PRMT1: variants seen among roughly 807,000 people sequenced by gnomAD.
PRMT1 encodes protein arginine N-methyltransferase 1.
Under a neutral mutation model 47.4 loss-of-function variants are expected in PRMT1, and 5 were observed. The ratio of observed to expected loss-of-function variants is 0.11; its 90% CI spans 0.06 to 0.22. The LOEUF is 0.22. PRMT1 is among the 10% of genes least tolerant of loss of function. PRMT1 has a pLI of 1.00. For synonymous variants in PRMT1, 227 were observed against 204.6 expected, an observed-to-expected ratio of 1.11 and a Z score of -0.94; for missense variants, 249 against 518.4, an observed-to-expected ratio of 0.48 and a Z score of 5.05.
Position 49,685,213 on chromosome 19 carries a change from T to C in PRMT1, c.759+176T>C. The C allele has an allele frequency of 2.6e-6, 4 of 1,527,744 alleles. No homozygotes were observed. The highest frequency in any genetic ancestry group is 3.5e-6 in the Non-Finnish European group (4 of 1,141,908). The allele number at this position is 1,527,744 out of a possible 1,614,324, so 94.6% of individuals were successfully genotyped here. On this transcript the variant is annotated intron_variant, in intron 8 of 10. Transcript: ENST00000454376. This position sits in a 1 kb window ranked among gnomAD's most constrained non-coding sequence, Gnocchi z 4.7. Reference sequence around the variant, plus strand: ...AAGACACTTCGTCCTTTAAATATCTTTGTGAGCGCTGCTGTGTGAGAACCA... The same window carrying C: ...AAGACACTTCGTCCTTTAAATATCTCTGTGAGCGCTGCTGTGTGAGAACCA...
In PRMT1 at chr19:49,680,009, C is replaced by G; in HGVS notation, c.90+84C>G. 7.2e-7 allele frequency: 1 copy of G among 1,380,882 alleles called. No homozygotes were observed. The highest frequency in any genetic ancestry group is 1.4e-5 in the African/African-American group (1 of 69,706). The allele number at this position is 1,380,882 out of a possible 1,614,324, so 85.5% of individuals were successfully genotyped here. On this transcript the variant is annotated intron_variant, in intron 2 of 10. Transcript: ENST00000454376. The surrounding 1 kb of genome is among the most constrained non-coding windows in gnomAD (Gnocchi z 4.2). ...CACACATCTGGCCCTTTCTTGAGGTCTAACCATACCCCTCTTGCTTCAAAC... is the reference window on the plus strand; with the variant it reads ...CACACATCTGGCCCTTTCTTGAGGTGTAACCATACCCCTCTTGCTTCAAAC...
In PRMT1 at chr19:49,680,351, G is replaced by A. The variant is rs920021030; in HGVS notation, c.91-136G>A. 7.8e-6 allele frequency: 8 copies of A among 1,030,670 alleles called. No individual in the cohort carries two copies. In the African/African-American group the frequency reaches 1.3e-4, roughly 16 times the overall value. The allele number at this position is 1,030,670 out of a possible 1,614,324, so 63.8% of individuals were successfully genotyped here. ...GGTTCCTGGGGGGGCAAGATGGCAG[G>A]CGGGGGCTGTAGGGTTGTCATGGTA... On this transcript the variant is annotated intron_variant, in intron 2 of 10. Transcript: ENST00000454376. This position sits in a 1 kb window ranked among gnomAD's most constrained non-coding sequence, Gnocchi z 4.2.
At chr19:49,686,071 C>G in intron 8 of PRMT1, 22 bp from the exon 9 acceptor site, 3 of 1,606,254 alleles carry the variant, frequency 1.9e-6, no homozygotes, top group Non-Finnish European at 2.6e-6. Flanking sequence ...CATCCCGGAG[C>G]TCGCCCTCTC....
chr19:49,686,049 G>C, intron 8 of PRMT1, 44 bp from the exon 9 acceptor site: 1 of 1,587,802 alleles, frequency 6.3e-7, no homozygotes, highest in African/African-American at 1.3e-5. Flanking sequence ...GGGATGAAGC[G>C]AGGTGGGGAC....
At position 49,677,306 on chromosome 19, in the gene PRMT1, G is replaced by C. The variant is rs1376247430; in HGVS notation, c.26G>C (p.Cys9Ser). MAAAEAAN[C>S]IMENFVATLA... ...ATGGCGGCAGCCGAGGCCGCGAACT[G>C]CATCATGGAGGTGAGCGCTTGGAGC... The change falls in exon 1 of 11, where the codon TGC becomes TCC. Residue 9 changes from cysteine (C) to serine (S), a missense_variant. Physicochemically the swap from Cys to Ser is moderately radical, Grantham distance 112 (BLOSUM62 -1). Around this residue, in one of 2 missense-constraint regions of PRMT1, gnomAD observed 59 missense variants for 61.7 expected, o/e 0.96. Coordinates refer to ENST00000454376, the MANE Select transcript of PRMT1 (RefSeq NM_001536.6). 1 of 1,405,464 alleles carries C rather than the reference G, an allele frequency of 7.1e-7. No individual in the cohort carries two copies. Among genetic ancestry groups the C allele is most frequent in the Non-Finnish European group, 9.3e-7 (1 of 1,075,618 alleles). 87.1% of individuals were successfully genotyped at this position (1,405,464 alleles called of 1,614,324 possible).
chr19:49,677,244 G>GA (rs771122084), upstream of PRMT1: 25 of 1,416,538 alleles, frequency 1.8e-5, no homozygotes, highest in Non-Finnish European at 2.8e-6. Flanking sequence ...GAAAGGGGGG[G>GA]TCTTGGCGGC....
chr19:49,677,941 C>G (rs954645591), intron 1 of PRMT1, among the ~76,000 whole-genome samples: 1 of 152,152 alleles, frequency 6.6e-6, no homozygotes, highest in African/African-American at 2.4e-5. Context: ...CCCCGCCGAC[C>G]CCGTTTCCCC....
At position 49,681,364 on chromosome 19, in the gene PRMT1, G is replaced by A. The variant is rs951017345; in HGVS notation, c.193-546G>A. 4.6e-5 allele frequency among the ~76,000 whole-genome samples: 7 copies of A among 151,618 alleles called. No individual in the cohort carries two copies. The highest frequency in any genetic ancestry group is 4.6e-4 in the Admixed American group (7 of 15,204). ...GCTCCCAGCCTGAGGACTTTTAAAA[G>A]CCAGGGTTCACTGGTTCTTAGGTAG... On this transcript the variant is annotated intron_variant, in intron 3 of 10. Coordinates refer to ENST00000454376, the MANE Select transcript of PRMT1 (RefSeq NM_001536.6). This position sits in a 1 kb window ranked among gnomAD's most constrained non-coding sequence, Gnocchi z 4.4.
chr19:49,679,830 A>G, intron 1 of PRMT1, 42 bp from the exon 2 acceptor site: 1 of 1,506,430 alleles, frequency 6.6e-7, no homozygotes, highest in South Asian at 1.1e-5. Flanking sequence ...TCCCACAGCC[A>G]CTCCCAGTAG....
chr19:49,677,818 GCTTCTCAGCC>G (rs1389323138), intron 1 of PRMT1, among the ~76,000 whole-genome samples: 1 of 152,114 alleles, frequency 6.6e-6, no homozygotes, highest in Non-Finnish European at 1.5e-5. Context: ...GAGGAGCAGT[GCTTCTCAGCC>G]CTTTACCAAC....
At chr19:49,682,174 T>A (rs1030375697) in intron 4 of PRMT1, 22 bp from the exon 5 acceptor site, 2 of 1,613,960 alleles carry the variant, frequency 1.2e-6, no homozygotes, top group Non-Finnish European at 1.7e-6. Flanking sequence ...GGTCTCACCC[T>A]CCCTTCTTCC....
rs1455063545 is a variant in PRMT1 at position 49,684,144 on chromosome 19, T to C, written c.555+75T>C. The C allele has an allele frequency of 1.1e-5, 18 of 1,581,622 alleles. No homozygotes were observed. Among genetic ancestry groups the C allele is most frequent in the Non-Finnish European group, 1.6e-5 (18 of 1,157,668 alleles). On this transcript the variant is annotated intron_variant, in intron 6 of 10. Transcript: ENST00000454376. The surrounding 1 kb of genome is among the most constrained non-coding windows in gnomAD (Gnocchi z 6.2). Reference sequence around the variant, plus strand: ...AGAAGACGAAAACCACGCTCAATTTTTCCCACAGACGGGACTTACTGTGGG... The same window carrying C: ...AGAAGACGAAAACCACGCTCAATTTCTCCCACAGACGGGACTTACTGTGGG...
chr19:49,678,832 G>A (rs983361961), intron 1 of PRMT1, among the ~76,000 whole-genome samples: 2 of 151,942 alleles, frequency 1.3e-5, no homozygotes, highest in Non-Finnish European at 2.9e-5. Flanking sequence ...AAGTCTTCAG[G>A]GCCTGGGATG....
At position 49,677,298 on chromosome 19, in the gene PRMT1, C is replaced by T; in HGVS notation, c.18C>T (p.Ala6=). Residue 6 remains alanine (A), a synonymous_variant, in exon 1 of 11, where the codon GCC becomes GCT. Coordinates refer to ENST00000454376, the MANE Select transcript of PRMT1 (RefSeq NM_001536.6). The part of the protein sequence containing the change: MAAAE[A]ANCIMENFVA... ...GGGTGAAGATGGCGGCAGCCGAGGC[C>T]GCGAACTGCATCATGGAGGTGAGCG... 7.1e-7 allele frequency: 1 copy of T among 1,410,314 alleles called. No individual in the cohort carries two copies. Among genetic ancestry groups the T allele is most frequent in the Non-Finnish European group, 9.3e-7 (1 of 1,079,010 alleles). 87.4% of individuals were successfully genotyped at this position (1,410,314 alleles called of 1,614,324 possible).
Position 49,683,470 on chromosome 19 carries a change from T to C in PRMT1, c.413-457T>C, listed in dbSNP as rs533323030. On this transcript the variant is annotated intron_variant, in intron 5 of 10. Coordinates refer to ENST00000454376, the MANE Select transcript of PRMT1 (RefSeq NM_001536.6). ...TTGGGAGGCCGAGGCGGGCGGATCGTGAGGTCAGGAGATCAAGACCATCCT... is the reference window on the plus strand; with the variant it reads ...TTGGGAGGCCGAGGCGGGCGGATCGCGAGGTCAGGAGATCAAGACCATCCT... Among the ~76,000 whole-genome samples, 9 of 151,854 alleles carry C rather than the reference T, an allele frequency of 5.9e-5. 1 individual carries two copies. The East Asian group carries it at 1.8e-3, about 30-fold the overall frequency.
rs1555770875 is a variant in PRMT1, at chr19:49,688,101, A to ACCG, written c.1033-59_1033-58insGCC. ...GCTCATCGTCGCATAGCCTGCCTGC[A>ACCG]CCCGCCCCCCGCCACCACCTCCTGG... is the stretch of plus-strand genomic sequence containing the variant. On this transcript the variant is annotated intron_variant, in intron 10 of 10. Transcript: ENST00000454376. The surrounding 1 kb of genome is among the most constrained non-coding windows in gnomAD (Gnocchi z 5.3). The ACCG allele has an allele frequency of 1.5e-5, 22 of 1,444,706 alleles. No homozygotes were observed. In the African/African-American group the frequency reaches 2.9e-4, roughly 19 times the overall value. 89.5% of individuals were successfully genotyped at this position (1,444,706 alleles called of 1,614,324 possible). A position where few individuals can be genotyped will look rare whatever the true frequency, so the allele number is the denominator to read the frequency against.
rs201990290 is a variant in PRMT1, at chr19:49,683,919, G to A, written c.413-8G>A. The A allele has an allele frequency of 1.0e-4, 169 of 1,611,892 alleles. No homozygotes were observed. The highest frequency in any genetic ancestry group is 5.0e-4 in the Middle Eastern group (3 of 6,048). On this transcript the variant is annotated splice_region_variant and splice_polypyrimidine_tract_variant and intron_variant, in intron 5 of 10. Coordinates refer to ENST00000454376, the MANE Select transcript of PRMT1 (RefSeq NM_001536.6). ...GGGGCTGACGTGGCCACCCTTGTCC[G>A]CCCGCAGTGGTGACCATCATCAAGG...
intron 5 of PRMT1, among the ~76,000 whole-genome samples, chr19:49,682,825 T>G (rs2082140284): frequency 6.9e-6 from 1 of 144,968 alleles, no homozygotes; most frequent in Non-Finnish European, 1.5e-5. Context: ...CTCACTCTTT[T>G]GCCAGGCTGG....
In PRMT1 at chr19:49,683,300, G is replaced by A. The variant is rs78420877; in HGVS notation, c.413-627G>A. Among the ~76,000 whole-genome samples, 1,023 of 151,982 alleles carry A rather than the reference G, an allele frequency of 6.7e-3. 21 individuals are homozygous for A. The highest frequency in any genetic ancestry group is 0.038 in the East Asian group (195 of 5,164). ...ATTCCCACTGTGATGTAATTTTCCC[G>A]GTAAATGCGTCTGCTTGTGTCTTAT... On this transcript the variant is annotated intron_variant, in intron 5 of 10. Coordinates refer to ENST00000454376, the MANE Select transcript of PRMT1 (RefSeq NM_001536.6).
Sources: gnomAD v4.1 joint callset for allele counts (sites outside exome capture counted in the v4.1 genomes callset) on GRCh38, gnomAD v4.1.1 for gene constraint, gnomAD v4.1.1 regional missense constraint, Gnocchi (gnomAD v3.1) non-coding constraint, MANE v1.5 for transcripts, NCBI Gene and HGNC (gene_info 2026-07-23, HGNC 2026-07-21) for gene names.